The following ACSL4 variants were observed in gnomAD, a reference collection of about 807,000 sequenced individuals.
ACSL4 encodes long-chain-fatty-acid--CoA ligase 4.
Under a neutral mutation model 49.1 loss-of-function variants are expected in ACSL4, and 9 were observed. That is an observed-to-expected ratio of 0.18 (90% CI 0.11 to 0.32). ACSL4 has a LOEUF of 0.32. Ranked by LOEUF, ACSL4 falls within the 10% of genes least tolerant of loss-of-function variation. The pLI is 1.00. For missense variants in ACSL4, 333 were observed against 493.7 expected, an observed-to-expected ratio of 0.67 and a Z score of 3.08; for synonymous variants, 191 against 170.3, an observed-to-expected ratio of 1.12 and a Z score of -0.95.
intron 12 of ACSL4, 146 bp downstream of exon 12, chrX:109,665,274 T>C (rs1922537863): frequency 2.0e-6 from 1 of 504,768 alleles, no homozygotes; most frequent in Non-Finnish European, 3.5e-6. Context: ...AAGATATCAC[T>C]GAGGAAAAAG....
At chrX:109,683,008 G>A (rs1475796842) in intron 3 of ACSL4, 112 bp from the exon 4 acceptor site, 4 of 1,017,489 alleles carry the variant, frequency 3.9e-6, no homozygotes, top group Non-Finnish European at 5.4e-6. Flanking sequence ...GAAGCTATGA[G>A]CGGCTTCTGA....
chrX:109,670,698 G>A (rs1482397532), intron 9 of ACSL4, among the ~76,000 whole-genome samples: 1 of 109,300 alleles, frequency 9.1e-6, no homozygotes, highest in Non-Finnish European at 1.9e-5. Context: ...CTGTACTGCC[G>A]CCATCTCGAC....
intron 1 of ACSL4, among the ~76,000 whole-genome samples, chrX:109,699,572 G>C (rs1925713533): frequency 9.0e-6 from 1 of 111,221 alleles, no homozygotes; most frequent in Non-Finnish European, 1.9e-5. Context: ...AAGAAATACA[G>C]GTCAAAAACA....
intron 2 of ACSL4, among the ~76,000 whole-genome samples, chrX:109,686,778 A>G (rs1164085063): frequency 2.9e-5 from 3 of 102,522 alleles, no homozygotes; most frequent in Admixed American, 1.0e-4. Context: ...ACACGCATGC[A>G]CACACACACA....
intron 1 of ACSL4, among the ~76,000 whole-genome samples, chrX:109,720,361 A>T (rs559290793): frequency 9.0e-6 from 1 of 110,884 alleles, no homozygotes; most frequent in African/African-American, 3.3e-5. Flanking sequence ...ACATTTAAAT[A>T]CTTAATCTCT....
At chrX:109,719,539 T>C (rs932803398) in intron 1 of ACSL4, among the ~76,000 whole-genome samples, 3 of 112,276 alleles carry the variant, frequency 2.7e-5, no homozygotes, top group African/African-American at 9.7e-5. Context: ...AATGGTGATG[T>C]TGGGGAACTC....
intron 1 of ACSL4, among the ~76,000 whole-genome samples, chrX:109,703,703 G>A (rs1223400596): frequency 1.8e-5 from 2 of 111,666 alleles, no homozygotes; most frequent in African/African-American, 6.5e-5. Context: ...AGGTCGAGGT[G>A]GGCAGAACAC....
At chrX:109,725,499 A>T (rs1927904469) in intron 1 of ACSL4, among the ~76,000 whole-genome samples, 1 of 111,535 alleles carries the variant, frequency 9.0e-6, no homozygotes, top group Non-Finnish European at 1.9e-5. Context: ...GCGGTGGCTC[A>T]CACCTATAAC....
intron 1 of ACSL4, among the ~76,000 whole-genome samples, chrX:109,716,770 C>T (rs1371399948): frequency 8.9e-6 from 1 of 111,871 alleles, no homozygotes; most frequent in African/African-American, 3.2e-5. Flanking sequence ...GAGCAGGAGT[C>T]TTTTTTCCCA....
chrX:109,668,492 G>C (rs1876384468), intron 10 of ACSL4, among the ~76,000 whole-genome samples: 2 of 111,461 alleles, frequency 1.8e-5, no homozygotes, highest in Middle Eastern at 4.6e-3. Flanking sequence ...GTAGCATCGG[G>C]AAACTATGCT....
intron 2 of ACSL4, among the ~76,000 whole-genome samples, chrX:109,688,275 T>A (rs1431090252): frequency 8.9e-6 from 1 of 111,855 alleles, no homozygotes. Flanking sequence ...TGACTATGGA[T>A]GAACTGTTGA....
At chrX:109,672,090 A>T (rs1329654386) in intron 9 of ACSL4, among the ~76,000 whole-genome samples, 1 of 107,453 alleles carries the variant, frequency 9.3e-6, no homozygotes, top group Non-Finnish European at 1.9e-5. Flanking sequence ...AAAAAAAAAA[A>T]AAAAAAAAAA....
At position 109,663,244 on chromosome X, in the gene ACSL4, C is replaced by G. The variant is rs773849002; in HGVS notation, c.1549G>C (p.Glu517Gln). ...QRWFCTGDIG[E>Q]FHPDGCLQII... ...TGTAAACATCCATCGGGATGGAATT[C>G]TCCAATATCACCAGTGCAAAACCAC... The change falls in exon 13 of 16, where the codon GAA becomes CAA. Residue 517 changes from glutamate (E) to glutamine (Q), a missense_variant. Glu to Gln is a conservative substitution (Grantham distance 29). Transcript: ENST00000672401. The G allele has an allele frequency of 1.2e-5, 14 of 1,207,112 alleles. No homozygotes were observed. Among genetic ancestry groups the G allele is most frequent in the Non-Finnish European group, 1.5e-5 (13 of 893,322 alleles).
chrX:109,677,654 G>A (rs895295761), intron 8 of ACSL4, among the ~76,000 whole-genome samples: 7 of 109,590 alleles, frequency 6.4e-5, no homozygotes, highest in African/African-American at 1.3e-4. Context: ...GGTGGCGGGC[G>A]CCTGCAATCC....
At chrX:109,644,287 A>C (rs1249617189) in intron 15 of ACSL4, 101 bp from the exon 16 acceptor site, 4 of 794,917 alleles carry the variant, frequency 5.0e-6, no homozygotes, top group Non-Finnish European at 7.0e-6. Flanking sequence ...CAATTAATAA[A>C]ATATGAGTTT....
At chrX:109,691,376 A>T (rs1211498522) in intron 2 of ACSL4, among the ~76,000 whole-genome samples, 1 of 112,369 alleles carries the variant, frequency 8.9e-6, no homozygotes, top group Admixed American at 9.4e-5. Context: ...CAATTATAAA[A>T]GTTCCAAGAG....
intron 1 of ACSL4, among the ~76,000 whole-genome samples, chrX:109,714,969 G>A (rs1194554773): frequency 8.9e-6 from 1 of 112,047 alleles, no homozygotes; most frequent in Non-Finnish European, 1.9e-5. Flanking sequence ...AAAGCAAGAG[G>A]TGCAGTGGCT....
intron 14 of ACSL4, among the ~76,000 whole-genome samples, chrX:109,661,235 T>C (rs908188469): frequency 1.8e-5 from 2 of 112,115 alleles, no homozygotes; most frequent in African/African-American, 6.5e-5. Context: ...TTGTGTTACA[T>C]TTTTGGGAAA....
Position 109,732,170 on chromosome X carries a change from A to G in ACSL4, c.-66+969T>C, listed in dbSNP as rs764984645. 2.7e-5 allele frequency among the ~76,000 whole-genome samples: 3 copies of G among 112,303 alleles called. No individual in the cohort carries two copies. The South Asian group carries it at 1.1e-3, about 41-fold the overall frequency. ...GATAAAGCAAACCGCTTACTTTTTCAAAGGGATTCATTTCAATGCCATTTT... is the reference window on the plus strand; with the variant it reads ...GATAAAGCAAACCGCTTACTTTTTCGAAGGGATTCATTTCAATGCCATTTT... On this transcript the variant is annotated intron_variant, in intron 1 of 15. Transcript: ENST00000672401.
Sources: allele counts gnomAD v4.1 joint callset (sites outside exome capture counted in the v4.1 genomes callset), GRCh38; gene constraint gnomAD v4.1.1; transcripts MANE v1.5; gene names NCBI Gene and HGNC (gene_info 2026-07-23, HGNC 2026-07-21).